HTR1F: variants seen among roughly 807,000 people sequenced by gnomAD.
HTR1F encodes 5-hydroxytryptamine receptor 1F.
Under a neutral mutation model 24.0 loss-of-function variants are expected in HTR1F, and 17 were observed. That is an observed-to-expected ratio of 0.71 (90% CI 0.48 to 1.06). HTR1F has a LOEUF of 1.06. Ranked by LOEUF, HTR1F falls within the 50% of genes least tolerant of loss-of-function variation. The pLI, the probability that HTR1F is intolerant of heterozygous loss-of-function variation, is 0.00. For synonymous variants in HTR1F, 186 were observed against 156.8 expected (o/e 1.19, Z -1.39); for missense variants, 391 against 427.8 (o/e 0.91, Z 0.76).
At chr3:87,922,753 T>G (rs1186220373) in intron 2 of HTR1F, among the ~76,000 whole-genome samples, 1 of 151,854 alleles carries the variant, frequency 6.6e-6, no homozygotes, top group Non-Finnish European at 1.5e-5. Context: ...TATCCCGTTT[T>G]TCCAGCAACA....
intron 2 of HTR1F, among the ~76,000 whole-genome samples, chr3:87,974,040 G>A (rs1705341259): frequency 1.3e-5 from 2 of 152,182 alleles, no homozygotes; most frequent in Admixed American, 6.5e-5. Context: ...CCAATTTGGT[G>A]TGAGAGACAA....
chr3:87,927,257 C>A (rs1704148061), intron 2 of HTR1F, among the ~76,000 whole-genome samples: 1 of 152,050 alleles, frequency 6.6e-6, no homozygotes, highest in Non-Finnish European at 1.5e-5. Context: ...TGTCCTGGAG[C>A]ACTAGAGAAG....
At chr3:87,816,319 T>G (rs1487428389) in intron 1 of HTR1F, among the ~76,000 whole-genome samples, 1 of 152,158 alleles carries the variant, frequency 6.6e-6, no homozygotes, top group Non-Finnish European at 1.5e-5. Flanking sequence ...TCTGACTTTT[T>G]TTACATTTTA....
At chr3:87,983,266 T>TA (rs559142236) in intron 2 of HTR1F, among the ~76,000 whole-genome samples, 175 of 152,082 alleles carry the variant, frequency 1.2e-3, no homozygotes, top group African/African-American at 4.0e-3. Context: ...GGCAGTGATT[T>TA]AAAAAAATAG....
intron 2 of HTR1F, among the ~76,000 whole-genome samples, chr3:87,920,446 C>A (rs533931056): frequency 3.3e-5 from 5 of 151,952 alleles, no homozygotes; most frequent in African/African-American, 1.2e-4. Flanking sequence ...CTGCAAGACC[C>A]TGGAGAAAAT....
chr3:87,964,488 C>A (rs998297651), intron 2 of HTR1F, among the ~76,000 whole-genome samples: 1 of 152,152 alleles, frequency 6.6e-6, no homozygotes. Flanking sequence ...TGACTCCACT[C>A]TCCAGATGAC....
intron 2 of HTR1F, among the ~76,000 whole-genome samples, chr3:87,926,907 T>A (rs1704138934): frequency 6.6e-6 from 1 of 151,884 alleles, no homozygotes; most frequent in African/African-American, 2.4e-5. Flanking sequence ...CTCCTCAGGA[T>A]CTACTGAGAA....
chr3:87,969,874 G>T (rs922283283), intron 2 of HTR1F, among the ~76,000 whole-genome samples: 45 of 152,268 alleles, frequency 3.0e-4, no homozygotes, highest in African/African-American at 1.0e-3. Flanking sequence ...AATCATGGGG[G>T]CACATCTTTC....
At chr3:87,831,826 C>T (rs1005317668) in intron 2 of HTR1F, among the ~76,000 whole-genome samples, 24 of 152,260 alleles carry the variant, frequency 1.6e-4, no homozygotes, top group African/African-American at 5.5e-4. Flanking sequence ...ACTCATTAAT[C>T]AAGAAATTGA....
intron 2 of HTR1F, among the ~76,000 whole-genome samples, chr3:87,856,066 T>C (rs1410087845): frequency 1.3e-5 from 2 of 152,100 alleles, no homozygotes; most frequent in African/African-American, 4.8e-5. Context: ...GTTGCTAAGA[T>C]GTATAGTAAA....
chr3:87,959,615 C>T (rs1260463999), intron 2 of HTR1F, among the ~76,000 whole-genome samples: 1 of 151,812 alleles, frequency 6.6e-6, no homozygotes, highest in Non-Finnish European at 1.5e-5. Context: ...CCAACAATGT[C>T]AATATCAGAG....
At chr3:87,841,422 G>T (rs1192822427) in intron 2 of HTR1F, among the ~76,000 whole-genome samples, 4 of 151,662 alleles carry the variant, frequency 2.6e-5, no homozygotes, top group Non-Finnish European at 5.9e-5. Flanking sequence ...ACTTACGATT[G>T]CATTATATGT....
At chr3:87,932,126 A>G (rs1305691163) in intron 2 of HTR1F, among the ~76,000 whole-genome samples, 1 of 152,100 alleles carries the variant, frequency 6.6e-6, no homozygotes, top group Non-Finnish European at 1.5e-5. Flanking sequence ...ACCCATGCCT[A>G]TGTCCTGAAT....
chr3:87,822,077 G>A lies in HTR1F; in HGVS notation c.-90G>A, dbSNP rs1704370576. Among the ~76,000 whole-genome samples, 1 of 152,126 alleles carries A rather than the reference G, an allele frequency of 6.6e-6. No homozygotes were observed. The highest frequency in any genetic ancestry group is 1.9e-4 in the East Asian group (1 of 5,198). On this transcript the variant is annotated 5_prime_UTR_variant, in exon 2 of 3. Coordinates refer to ENST00000319595, the MANE Select transcript of HTR1F (RefSeq NM_001322209.2). Reference sequence around the variant, plus strand: ...ACTTCTCAAAAGAACAGGAACATGAGGAGACGAAATGGTGATGAAAACCCA... The same window carrying A: ...ACTTCTCAAAAGAACAGGAACATGAAGAGACGAAATGGTGATGAAAACCCA...
At chr3:87,794,618 T>G (rs1703873238) in intron 1 of HTR1F, among the ~76,000 whole-genome samples, 1 of 152,230 alleles carries the variant, frequency 6.6e-6, no homozygotes, top group Non-Finnish European at 1.5e-5. Flanking sequence ...TTCATCCAAG[T>G]GGGCTTATTA....
intron 2 of HTR1F, among the ~76,000 whole-genome samples, chr3:87,824,915 T>G (rs1704432928): frequency 6.6e-6 from 1 of 152,214 alleles, no homozygotes; most frequent in African/African-American, 2.4e-5. Flanking sequence ...ATTTTTCATT[T>G]TTCCAGCCAC....
Position 87,854,919 on chromosome 3 carries a change from TTTGTTG to T in HTR1F, c.-43+32808_-43+32813del, listed in dbSNP as rs138657840. ...TTGTTCCTGAATGTTTTAAATATTT[TTTGTTG>T]TTGTTGTTGTTGCTGTTTTTTGGTC... On this transcript the variant is annotated intron_variant, in intron 2 of 2. Coordinates refer to ENST00000319595, the MANE Select transcript of HTR1F (RefSeq NM_001322209.2). Among the ~76,000 whole-genome samples the T allele has an allele frequency of 3.3e-5, 5 of 152,086 alleles. No homozygotes were observed. The South Asian group carries it at 8.3e-4, about 25-fold the overall frequency.
intron 2 of HTR1F, among the ~76,000 whole-genome samples, chr3:87,912,740 C>T (rs940626732): frequency 2.0e-5 from 3 of 150,886 alleles, no homozygotes; most frequent in African/African-American, 7.3e-5. Flanking sequence ...CAAACACAGA[C>T]ACATAGACCA....
chr3:87,892,457 G>C (rs1706105898), intron 2 of HTR1F, among the ~76,000 whole-genome samples: 1 of 152,096 alleles, frequency 6.6e-6, no homozygotes, highest in South Asian at 2.1e-4. Flanking sequence ...GCAAGACATA[G>C]TGGAAAGAAT....
Sources: allele counts gnomAD v4.1 joint callset (sites outside exome capture counted in the v4.1 genomes callset), GRCh38; gene constraint gnomAD v4.1.1; transcripts MANE v1.5; gene names NCBI Gene and HGNC (gene_info 2026-07-23, HGNC 2026-07-21).